The following TEAD1 variants were observed in gnomAD, a reference collection of about 807,000 sequenced individuals.
TEAD1 encodes the protein TEA domain transcription factor 1, also known as transcriptional enhancer factor TEF-1.
TEAD1 carries 9 observed loss-of-function variants against 54.9 expected under a neutral mutation model. The observed-to-expected ratio is 0.16, with a 90% CI of 0.10 to 0.29. TEAD1 has a LOEUF of 0.29. Among genes scored for constraint, TEAD1 ranks in the 10% least tolerant of loss-of-function variants. The probability of loss-of-function intolerance (pLI) is 1.00; values close to 1 mark genes in which losing one functional copy is unlikely to be tolerated. For missense variants in TEAD1, 387 were observed against 535.9 expected, an observed-to-expected ratio of 0.72 and a Z score of 2.74; for synonymous variants, 200 against 187.8, an observed-to-expected ratio of 1.07 and a Z score of -0.53.
chr11:12,786,245 C>A lies in TEAD1; in HGVS notation c.202+21811C>A, dbSNP rs189977306. ...AGAGCAGGTGGAGATGAATGCTCTGCCTGGTAGCTTTCTCGGACTGCACTG... is the reference window on the plus strand; with the variant it reads ...AGAGCAGGTGGAGATGAATGCTCTGACTGGTAGCTTTCTCGGACTGCACTG... On this transcript the variant is annotated intron_variant, in intron 3 of 12. Coordinates refer to ENST00000527636, the MANE Select transcript of TEAD1 (RefSeq NM_021961.6). 1.9e-4 allele frequency among the ~76,000 whole-genome samples: 29 copies of A among 152,266 alleles called. No individual in the cohort carries two copies. The East Asian group carries it at 5.4e-3, about 28-fold the overall frequency.
intron 2 of TEAD1, among the ~76,000 whole-genome samples, chr11:12,711,756 G>A (rs1284807443): frequency 2.6e-5 from 4 of 152,224 alleles, no homozygotes; most frequent in African/African-American, 7.2e-5. Context: ...GGTGACTGAT[G>A]TAATAAAGGC....
chr11:12,781,610 C>T (rs991777940), intron 3 of TEAD1, among the ~76,000 whole-genome samples: 5 of 149,630 alleles, frequency 3.3e-5, no homozygotes, highest in Admixed American at 1.3e-4. Flanking sequence ...AACTACACTG[C>T]GATATCACTT....
intron 2 of TEAD1, among the ~76,000 whole-genome samples, chr11:12,699,425 T>G (rs549024012): frequency 5.6e-4 from 85 of 152,312 alleles, no homozygotes; most frequent in African/African-American, 2.0e-3. Context: ...TGTAGAATAG[T>G]TTACCTCATT....
At chr11:12,906,989 C>A (rs780955369) in intron 10 of TEAD1, among the ~76,000 whole-genome samples, 2 of 152,116 alleles carry the variant, frequency 1.3e-5, no homozygotes, top group Non-Finnish European at 2.9e-5. Flanking sequence ...TGTGGACATA[C>A]CGTTTCATCT....
chr11:12,839,359 C>T (rs1780729606), intron 3 of TEAD1, among the ~76,000 whole-genome samples: 1 of 152,124 alleles, frequency 6.6e-6, no homozygotes, highest in Admixed American at 6.5e-5. Flanking sequence ...TGCAGTGAGT[C>T]AAGAGCGTGA....
chr11:12,804,618 T>A (rs1317866957), intron 3 of TEAD1, among the ~76,000 whole-genome samples: 2 of 152,222 alleles, frequency 1.3e-5, no homozygotes, highest in Non-Finnish European at 2.9e-5. Flanking sequence ...AAGTTTGTGA[T>A]GTGGCTTCTG....
At chr11:12,882,679 A>G (rs1947996946) in intron 8 of TEAD1, among the ~76,000 whole-genome samples, 1 of 152,238 alleles carries the variant, frequency 6.6e-6, no homozygotes, top group African/African-American at 2.4e-5. Flanking sequence ...CTTTGGAAGC[A>G]TTCACTTCTC....
chr11:12,706,641 G>C (rs914033929), intron 2 of TEAD1, among the ~76,000 whole-genome samples: 5 of 152,178 alleles, frequency 3.3e-5, no homozygotes, highest in African/African-American at 1.2e-4. Context: ...GAGCTCCCAG[G>C]TGCAACCTGC....
intron 10 of TEAD1, among the ~76,000 whole-genome samples, chr11:12,914,194 AG>A (rs1948668977): frequency 6.6e-6 from 1 of 152,256 alleles, no homozygotes; most frequent in Non-Finnish European, 1.5e-5. Context: ...CCTTTCAACC[AG>A]TGCATAGCAT....
chr11:12,714,307 G>A (rs113062807), intron 2 of TEAD1, among the ~76,000 whole-genome samples: 1 of 152,168 alleles, frequency 6.6e-6, no homozygotes, highest in Non-Finnish European at 1.5e-5. Flanking sequence ...GGGATGATAG[G>A]ATCTGCACCC....
At chr11:12,870,137 C>T (rs1947712506) in intron 5 of TEAD1, among the ~76,000 whole-genome samples, 1 of 152,188 alleles carries the variant, frequency 6.6e-6, no homozygotes, top group Non-Finnish European at 1.5e-5. Context: ...GCCTCAGCCT[C>T]CCAAAGTGCT....
intron 12 of TEAD1, among the ~76,000 whole-genome samples, chr11:12,931,455 T>C (rs575287361): frequency 6.6e-6 from 1 of 152,368 alleles, no homozygotes; most frequent in East Asian, 1.9e-4. Context: ...TCTGAAAGCC[T>C]ACTTTATTCC....
intron 10 of TEAD1, among the ~76,000 whole-genome samples, chr11:12,906,790 T>C (rs1207021088): frequency 1.3e-5 from 2 of 152,200 alleles, no homozygotes; most frequent in African/African-American, 4.8e-5. Flanking sequence ...CAGTGTATTG[T>C]TTTTCACAGC....
At chr11:12,785,636 G>A (rs953747932) in intron 3 of TEAD1, among the ~76,000 whole-genome samples, 5 of 152,050 alleles carry the variant, frequency 3.3e-5, no homozygotes, top group South Asian at 4.1e-4. Flanking sequence ...ATCCCCTACC[G>A]TCCTGGTCCT....
At chr11:12,910,127 A>G (rs1352870690) in intron 10 of TEAD1, among the ~76,000 whole-genome samples, 1 of 152,224 alleles carries the variant, frequency 6.6e-6, no homozygotes, top group Non-Finnish European at 1.5e-5. Context: ...AGCCTTGGGA[A>G]TTGATCATAG....
At chr11:12,747,293 T>TA (rs1219833740) in intron 2 of TEAD1, among the ~76,000 whole-genome samples, 8 of 152,120 alleles carry the variant, frequency 5.3e-5, no homozygotes, top group African/African-American at 1.2e-4. Flanking sequence ...AAGGTGGATA[T>TA]ATTAGCAGTA....
At chr11:12,750,661 G>A (rs1449047150) in intron 2 of TEAD1, among the ~76,000 whole-genome samples, 1 of 152,056 alleles carries the variant, frequency 6.6e-6, no homozygotes, top group Non-Finnish European at 1.5e-5. Flanking sequence ...CTTTCGTCAT[G>A]GCCTATGAGG....
intron 10 of TEAD1, among the ~76,000 whole-genome samples, chr11:12,912,232 T>A: frequency 6.6e-6 from 1 of 152,110 alleles, no homozygotes; most frequent in East Asian, 1.9e-4. Flanking sequence ...CAGATGTGAT[T>A]GAGAGTTCTG....
chr11:12,844,535 G>A (rs1230780644), intron 3 of TEAD1, among the ~76,000 whole-genome samples: 1 of 152,252 alleles, frequency 6.6e-6, no homozygotes, highest in Admixed American at 6.5e-5. Context: ...GGGGGGCAGG[G>A]GTGGGGAAGG....
Sources: allele counts gnomAD v4.1 joint callset (sites outside exome capture counted in the v4.1 genomes callset), GRCh38; gene constraint gnomAD v4.1.1; transcripts MANE v1.5; gene names NCBI Gene and HGNC (gene_info 2026-07-23, HGNC 2026-07-21).